The following NBPF3 variants were observed in gnomAD, a reference collection of about 807,000 sequenced individuals.
NBPF3 encodes the protein NBPF family member NBPF3.
Under a neutral mutation model 78.1 loss-of-function variants are expected in NBPF3, and 57 were observed. The observed-to-expected ratio is 0.73, with a 90% CI of 0.59 to 0.91. NBPF3 has a LOEUF of 0.91. Ranked by LOEUF, NBPF3 falls within the 40% of genes least tolerant of loss-of-function variation. NBPF3 has a pLI of 0.00. For missense variants in NBPF3, 510 were observed against 715.3 expected (o/e 0.71, Z 3.27); for synonymous variants, 182 against 271.7 (o/e 0.67, Z 3.25).
intron 2 of NBPF3, among the ~76,000 whole-genome samples, chr1:21,456,339 C>T (rs1045170576): frequency 2.0e-5 from 3 of 152,200 alleles, no homozygotes; most frequent in African/African-American, 4.8e-5. Flanking sequence ...AGATAGACCA[C>T]ATATGCTGAG....
At chr1:21,474,728 G>T (rs764677739) in intron 7 of NBPF3, among the ~76,000 whole-genome samples, 172 bp from the exon 8 acceptor site, 6 of 152,142 alleles carry the variant, frequency 3.9e-5, no homozygotes, top group African/African-American at 1.2e-4. Flanking sequence ...TGGAAAGCAG[G>T]GTCATCTACT....
intron 2 of NBPF3, among the ~76,000 whole-genome samples, chr1:21,450,347 G>T (rs1471439686): frequency 6.6e-6 from 1 of 152,110 alleles, no homozygotes; most frequent in Non-Finnish European, 1.5e-5. Context: ...ACAACTCATG[G>T]AGTCCTTCTC....
chr1:21,437,353 G>C, upstream of NBPF3: 1 of 522,092 alleles, frequency 1.9e-6, no homozygotes, highest in Admixed American at 3.7e-5. Flanking sequence ...GGGACCCCAG[G>C]GAGGTGAGGG....
chr1:21,474,934 A>G lies in NBPF3; in HGVS notation c.975A>G (p.Lys325=), dbSNP rs2148001478. The G allele has an allele frequency of 6.2e-7, 1 of 1,601,212 alleles. No homozygotes were observed. Among genetic ancestry groups the G allele is most frequent in the Non-Finnish European group, 8.5e-7 (1 of 1,171,976 alleles). The part of the protein sequence containing the change: ...NESDHEQEEE[K]GPVSPRNLQE... Reference sequence around the variant, plus strand: ...GTGATCATGAGCAAGAGGAAGAAAAAGGGCCAGTGTCTCCCAGGTAATGCC... The same window carrying G: ...GTGATCATGAGCAAGAGGAAGAAAAGGGGCCAGTGTCTCCCAGGTAATGCC... Residue 325 remains lysine, a synonymous_variant, in exon 8 of 15, where the codon AAA becomes AAG. Transcript: ENST00000318249.
chr1:21,456,741 A>G (rs1191147256), intron 2 of NBPF3, among the ~76,000 whole-genome samples: 1 of 152,222 alleles, frequency 6.6e-6, no homozygotes, highest in Non-Finnish European at 1.5e-5. Flanking sequence ...TAGATTTGAA[A>G]AAAACTCACA....
chr1:21,439,980 C>T (rs1389103668), upstream of NBPF3: 1 of 152,328 alleles, frequency 6.6e-6, no homozygotes, highest in Admixed American at 6.5e-5. Context: ...CTCCTTTTCT[C>T]GGCCCGCAGG....
chr1:21,459,755 C>T, intron 2 of NBPF3: 1 of 339,554 alleles, frequency 2.9e-6, no homozygotes, highest in South Asian at 3.0e-5. Flanking sequence ...TCAGCAGGCC[C>T]AGTGTCTTGG....
Position 21,479,407 on chromosome 1 carries a change from C to G in NBPF3, c.1208+7C>G, listed in dbSNP as rs1467479332. 6 of 1,608,944 alleles carry G rather than the reference C, an allele frequency of 3.7e-6. No individual in the cohort carries two copies. The African/African-American group carries it at 6.7e-5, about 18-fold the overall frequency. ...AAGAGGCCACAAGTCCCAGGTGAGT[C>G]TGAGAAATTATGGACAGTTAATTTG... is the stretch of plus-strand genomic sequence containing the variant. On this transcript the variant is annotated splice_region_variant and intron_variant, in intron 10 of 14. Coordinates refer to ENST00000318249, the MANE Select transcript of NBPF3 (RefSeq NM_032264.6).
intron 2 of NBPF3, chr1:21,454,091 C>T (rs942326859): frequency 9.2e-5 from 14 of 152,210 alleles, no homozygotes; most frequent in African/African-American, 3.4e-4. Flanking sequence ...TGCTACACTC[C>T]GAATGGAGGA....
intron 4 of NBPF3, 82 bp from the exon 5 acceptor site, chr1:21,471,487 C>G: frequency 1.2e-6 from 2 of 1,602,620 alleles, no homozygotes; most frequent in Non-Finnish European, 1.7e-6. Context: ...AGGACATTGT[C>G]TCAGAAATCT....
chr1:21,465,458 T>C (rs1334728942), intron 2 of NBPF3, among the ~76,000 whole-genome samples: 1 of 152,262 alleles, frequency 6.6e-6, no homozygotes, highest in Non-Finnish European at 1.5e-5. Flanking sequence ...GTGGGACCCA[T>C]TGAGCTGCAT....
intron 2 of NBPF3, among the ~76,000 whole-genome samples, chr1:21,457,498 A>G (rs1459950779): frequency 6.6e-6 from 1 of 152,134 alleles, no homozygotes; most frequent in Admixed American, 6.5e-5. Context: ...ACTTCAGTAA[A>G]GAAGATACAT....
chr1:21,447,797 T>C (rs1641076597), intron 2 of NBPF3, among the ~76,000 whole-genome samples: 2 of 152,250 alleles, frequency 1.3e-5, no homozygotes, highest in South Asian at 4.1e-4. Context: ...TTCTGGTTGC[T>C]CCTCATCTTT....
At chr1:21,465,679 A>G (rs3968519) in intron 2 of NBPF3, among the ~76,000 whole-genome samples, 5 of 152,242 alleles carry the variant, frequency 3.3e-5, no homozygotes, top group African/African-American at 9.6e-5. Flanking sequence ...TGGAAGCCCT[A>G]ATTCCAAATT....
At chr1:21,457,227 C>T (rs1169647525) in intron 2 of NBPF3, among the ~76,000 whole-genome samples, 3 of 149,668 alleles carry the variant, frequency 2.0e-5, no homozygotes, top group Non-Finnish European at 4.4e-5. Context: ...TGTATATTCA[C>T]CTTTTTGAAG....
At chr1:21,467,011 C>T (rs1015992280) in intron 2 of NBPF3, 1 of 984,682 alleles carries the variant, frequency 1.0e-6, no homozygotes, top group African/African-American at 1.7e-5. Context: ...AAAACTCACC[C>T]CTGTGTGACC....
rs1267175623 is a variant in NBPF3 at position 21,452,114 on chromosome 1, A to G, written c.133+6895A>G. ...GAATTTAATGGGCATTCTTTATTGC[A>G]TTAGGCTTAAATTTCATGCATCTTA... On this transcript the variant is annotated intron_variant, in intron 2 of 14. Coordinates refer to ENST00000318249, the MANE Select transcript of NBPF3 (RefSeq NM_032264.6). Among the ~76,000 whole-genome samples, 3 of 152,224 alleles carry G rather than the reference A, an allele frequency of 2.0e-5. No individual in the cohort carries two copies. In the East Asian group the frequency reaches 5.8e-4, roughly 29 times the overall value.
chr1:21,468,970 C>G (rs1038388353), intron 3 of NBPF3, 73 bp downstream of exon 3: 1 of 1,188,472 alleles, frequency 8.4e-7, no homozygotes, highest in Non-Finnish European at 1.2e-6. Flanking sequence ...ACTAAATGCT[C>G]TCTCCATCAA....
upstream of NBPF3, among the ~76,000 whole-genome samples, chr1:21,439,669 G>A (rs1324947835): frequency 6.6e-6 from 1 of 151,646 alleles, no homozygotes; most frequent in Non-Finnish European, 1.5e-5. Flanking sequence ...TAATAGATAC[G>A]GGGCTCTTTC....
Sources: gnomAD v4.1 joint callset for allele counts (sites outside exome capture counted in the v4.1 genomes callset) on GRCh38, gnomAD v4.1.1 for gene constraint, MANE v1.5 for transcripts, NCBI Gene and HGNC (gene_info 2026-07-23, HGNC 2026-07-21) for gene names.